ITFG1: variants seen among roughly 807,000 people sequenced by gnomAD.
The protein encoded by ITFG1 is T-cell immunomodulatory protein.
A neutral mutation model predicts 81.8 loss-of-function variants in ITFG1; 34 were observed. That is an observed-to-expected ratio of 0.42 (90% CI 0.32 to 0.55). The LOEUF is 0.55. Among genes scored for constraint, ITFG1 ranks in the 20% least tolerant of loss-of-function variants. The pLI is 0.17. For synonymous variants in ITFG1, 285 were observed against 270.6 expected (o/e 1.05, Z -0.52); for missense variants, 672 against 755.4 (o/e 0.89, Z 1.29).
At chr16:47,446,872 T>C (rs536192444) in intron 5 of ITFG1, among the ~76,000 whole-genome samples, 14 of 152,050 alleles carry the variant, frequency 9.2e-5, no homozygotes, top group Non-Finnish European at 1.6e-4. Flanking sequence ...TTTTTCTTTT[T>C]TTTTTTTTGA....
chr16:47,211,285 G>C (rs1487042475), intron 14 of ITFG1, among the ~76,000 whole-genome samples: 1 of 152,160 alleles, frequency 6.6e-6, no homozygotes, highest in Non-Finnish European at 1.5e-5. Context: ...TTGAGTGATT[G>C]AGAATAGAAA....
chr16:47,244,524 T>C (rs1390607466), intron 12 of ITFG1, among the ~76,000 whole-genome samples: 3 of 151,946 alleles, frequency 2.0e-5, no homozygotes, highest in Non-Finnish European at 4.4e-5. Context: ...TGTGTGAGAG[T>C]AGACGAAACA....
At chr16:47,433,471 G>A (rs1485536103) in intron 5 of ITFG1, among the ~76,000 whole-genome samples, 1 of 152,026 alleles carries the variant, frequency 6.6e-6, no homozygotes, top group Admixed American at 6.6e-5. Flanking sequence ...CACTCACTCT[G>A]GTTTCCTTCC....
At chr16:47,410,276 A>G (rs1321589165) in intron 6 of ITFG1, among the ~76,000 whole-genome samples, 2 of 152,084 alleles carry the variant, frequency 1.3e-5, no homozygotes, top group African/African-American at 4.8e-5. Flanking sequence ...CCCTGTCTCT[A>G]AAAAAAGAAA....
chr16:47,436,850 GC>G (rs1969173549), intron 5 of ITFG1, among the ~76,000 whole-genome samples: 1 of 152,086 alleles, frequency 6.6e-6, no homozygotes, highest in African/African-American at 2.4e-5. Flanking sequence ...AGACCCATTT[GC>G]TTCTCAATTT....
chr16:47,278,047 T>C (rs2151548949), intron 10 of ITFG1, among the ~76,000 whole-genome samples: 1 of 152,342 alleles, frequency 6.6e-6, no homozygotes, highest in African/African-American at 2.4e-5. Context: ...AATTATTTAT[T>C]CACATATCTA....
At chr16:47,248,935 T>C (rs900964871) in intron 12 of ITFG1, among the ~76,000 whole-genome samples, 1 of 152,224 alleles carries the variant, frequency 6.6e-6, no homozygotes, top group Non-Finnish European at 1.5e-5. Flanking sequence ...TGTGAGCTTC[T>C]TGAAGGCAAT....
intron 8 of ITFG1, among the ~76,000 whole-genome samples, chr16:47,325,562 T>C (rs1253027043): frequency 1.3e-5 from 2 of 151,820 alleles, no homozygotes; most frequent in African/African-American, 4.8e-5. Flanking sequence ...ATCAACAAAA[T>C]TGATAGACTG....
chr16:47,164,301 A>C (rs2151507672), intron 14 of ITFG1, among the ~76,000 whole-genome samples: 1 of 151,704 alleles, frequency 6.6e-6, no homozygotes, highest in East Asian at 1.9e-4. Flanking sequence ...CCTACTTGGC[A>C]TACCTGGGTC....
At chr16:47,159,866 T>C (rs1964772671) in intron 16 of ITFG1, among the ~76,000 whole-genome samples, 1 of 152,150 alleles carries the variant, frequency 6.6e-6, no homozygotes, top group Admixed American at 6.5e-5. Flanking sequence ...ATAAGTTAGC[T>C]TCTAGTCAAT....
At chr16:47,318,022 T>C (rs1232111998) in intron 8 of ITFG1, among the ~76,000 whole-genome samples, 1 of 152,072 alleles carries the variant, frequency 6.6e-6, no homozygotes, top group South Asian at 2.1e-4. Flanking sequence ...TTTAACGTAA[T>C]GGAAAGAAGA....
intron 5 of ITFG1, among the ~76,000 whole-genome samples, chr16:47,443,096 C>G (rs1365848180): frequency 1.3e-5 from 2 of 152,152 alleles, no homozygotes; most frequent in South Asian, 2.1e-4. Flanking sequence ...AGGGCATGAA[C>G]AGACACTTCT....
intron 14 of ITFG1, among the ~76,000 whole-genome samples, chr16:47,181,657 C>T (rs1041179531): frequency 7.2e-5 from 11 of 151,968 alleles, no homozygotes; most frequent in East Asian, 1.9e-4. Flanking sequence ...CCCCTCTGCC[C>T]GGCCACCACC....
intron 10 of ITFG1, among the ~76,000 whole-genome samples, chr16:47,296,546 C>T (rs970076498): frequency 1.3e-5 from 2 of 152,256 alleles, no homozygotes; most frequent in Non-Finnish European, 2.9e-5. Flanking sequence ...AGCGATTCTC[C>T]TGCCTCAGCC....
intron 6 of ITFG1, among the ~76,000 whole-genome samples, chr16:47,427,275 C>T (rs1003196734): frequency 6.6e-6 from 1 of 152,122 alleles, no homozygotes; most frequent in African/African-American, 2.4e-5. Context: ...AGAGAGAGAA[C>T]TTAAACTGTA....
chr16:47,222,418 T>TC (rs1456826089), intron 13 of ITFG1, among the ~76,000 whole-genome samples: 1 of 149,096 alleles, frequency 6.7e-6, no homozygotes, highest in Admixed American at 6.6e-5. Context: ...TCTTTCTTTT[T>TC]TTTTTTTTTT....
intron 8 of ITFG1, among the ~76,000 whole-genome samples, chr16:47,321,505 C>T (rs1163480236): frequency 6.6e-6 from 1 of 152,128 alleles, no homozygotes. Context: ...TTTCAGAACA[C>T]ATCATTAACA....
chr16:47,404,163 C>T (rs1194434046), intron 6 of ITFG1, among the ~76,000 whole-genome samples: 1 of 152,100 alleles, frequency 6.6e-6, no homozygotes, highest in Non-Finnish European at 1.5e-5. Context: ...GCTCTAGAGA[C>T]AACATGAAAA....
At chr16:47,268,613 C>G (rs1966304362) in intron 10 of ITFG1, among the ~76,000 whole-genome samples, 1 of 152,172 alleles carries the variant, frequency 6.6e-6, no homozygotes, top group Non-Finnish European at 1.5e-5. Context: ...TCTAGCCAAT[C>G]AAATTCAATA....
Sources: allele counts gnomAD v4.1 joint callset (sites outside exome capture counted in the v4.1 genomes callset), GRCh38; gene constraint gnomAD v4.1.1; transcripts MANE v1.5; gene names NCBI Gene and HGNC (gene_info 2026-07-23, HGNC 2026-07-21).